COPG2: variants seen among roughly 807,000 people sequenced by gnomAD.
The protein encoded by COPG2 is coatomer subunit gamma-2.
COPG2 carries 37 observed loss-of-function variants against 46.3 expected under a neutral mutation model. The observed-to-expected ratio is 0.80, with a 90% CI of 0.61 to 1.05. COPG2 has a LOEUF of 1.05. COPG2 is among the 50% of genes least tolerant of loss of function. COPG2 has a pLI of 0.00. For synonymous variants in COPG2, 159 were observed against 129.7 expected (o/e 1.23, Z -1.53); for missense variants, 427 against 387.8 (o/e 1.10, Z -0.85).
intron 9 of COPG2, among the ~76,000 whole-genome samples, chr7:130,590,501 G>A (rs1210873228): frequency 3.9e-5 from 6 of 152,264 alleles, no homozygotes; most frequent in African/African-American, 9.6e-5. Context: ...CGAGTGATCC[G>A]CCAGCCTCGG....
chr7:130,530,563 T>C (rs1046051583), intron 20 of COPG2, among the ~76,000 whole-genome samples: 45 of 152,154 alleles, frequency 3.0e-4, no homozygotes, highest in African/African-American at 9.2e-4. Context: ...AGTGAGCACA[T>C]CCCTATGGAG....
Position 130,611,127 on chromosome 7 carries a change from A to G in COPG2, c.580-17T>C, listed in dbSNP as rs1554452031. ...TGCATGGTACTAAAGAACATGAAAA[A>G]GAAGGTAGCACATGGATTAGAAAGA... On this transcript the variant is annotated splice_polypyrimidine_tract_variant and intron_variant, in intron 8 of 23. Coordinates refer to ENST00000425248, the MANE Select transcript of COPG2 (RefSeq NM_012133.6). 1 of 1,603,660 alleles carries G rather than the reference A, an allele frequency of 6.2e-7. No individual in the cohort carries two copies. The highest frequency in any genetic ancestry group is 1.3e-5 in the African/African-American group (1 of 74,774).
intron 15 of COPG2, among the ~76,000 whole-genome samples, chr7:130,551,764 C>T (rs1245949549): frequency 1.3e-5 from 2 of 152,306 alleles, no homozygotes; most frequent in Middle Eastern, 3.4e-3. Context: ...ATTTGTTTTA[C>T]GTAAACTAGC....
chr7:130,655,936 C>CT (rs1280578053), intron 4 of COPG2, among the ~76,000 whole-genome samples: 2 of 152,000 alleles, frequency 1.3e-5, no homozygotes, highest in East Asian at 1.9e-4. Flanking sequence ...TCTAGTTATT[C>CT]TTTTTTTATT....
intron 20 of COPG2, among the ~76,000 whole-genome samples, chr7:130,532,411 G>A (rs1341181871): frequency 2.6e-5 from 4 of 152,120 alleles, no homozygotes; most frequent in Non-Finnish European, 4.4e-5. Context: ...TGGAGACAGC[G>A]TGGAAGGAGA....
At chr7:130,557,216 A>G (rs911202659) in intron 12 of COPG2, among the ~76,000 whole-genome samples, 3 of 152,210 alleles carry the variant, frequency 2.0e-5, no homozygotes, top group Admixed American at 6.5e-5. Context: ...AATGATAACC[A>G]GGTAGAAGAT....
intron 9 of COPG2, chr7:130,605,848 T>G (rs1554451159): frequency 4.0e-6 from 2 of 498,168 alleles, no homozygotes; most frequent in African/African-American, 2.0e-5. Context: ...AAATGGATCT[T>G]GTTGTAAGCC....
chr7:130,660,531 A>G (rs781862958), intron 4 of COPG2, among the ~76,000 whole-genome samples: 12 of 152,002 alleles, frequency 7.9e-5, no homozygotes, highest in Non-Finnish European at 1.2e-4. Context: ...CCTTTATACT[A>G]TGTCACCTGC....
chr7:130,550,871 C>A (rs913997511), intron 16 of COPG2, among the ~76,000 whole-genome samples: 12,250 of 152,204 alleles, frequency 0.08, 826 homozygotes, highest in African/African-American at 0.18. Context: ...ATAGCATACA[C>A]ATTTTCAACA....
chr7:130,610,504 T>C (rs1554451870), intron 9 of COPG2: 1 of 519,054 alleles, frequency 1.9e-6, no homozygotes, highest in South Asian at 1.4e-5. Context: ...AGATTTCTCA[T>C]TCCTGCCCTT....
At chr7:130,539,038 T>C (rs1339206835) in intron 20 of COPG2, among the ~76,000 whole-genome samples, 2 of 152,094 alleles carry the variant, frequency 1.3e-5, no homozygotes, top group Admixed American at 1.3e-4. Context: ...TTGGAAACTT[T>C]TTCCAGAGGG....
chr7:130,512,391 T>C (rs1554441144), intron 20 of COPG2, among the ~76,000 whole-genome samples: 1 of 151,790 alleles, frequency 6.6e-6, no homozygotes, highest in Admixed American at 6.6e-5. Flanking sequence ...TAAGAGAGTG[T>C]GAACATGTAG....
intron 2 of COPG2, 79 bp downstream of exon 2, chr7:130,667,403 A>G (rs1796108392): frequency 8.7e-7 from 1 of 1,146,218 alleles, no homozygotes; most frequent in South Asian, 1.4e-5. Context: ...TGTCGTGATC[A>G]CAGCAGCCCA....
chr7:130,553,115 C>G (rs1388092716), intron 14 of COPG2, among the ~76,000 whole-genome samples: 1 of 152,048 alleles, frequency 6.6e-6, no homozygotes, highest in Non-Finnish European at 1.5e-5. Flanking sequence ...GTATTAGAGG[C>G]AGAGAAAATA....
At chr7:130,527,656 G>C (rs1799786438) in intron 20 of COPG2, among the ~76,000 whole-genome samples, 1 of 152,188 alleles carries the variant, frequency 6.6e-6, no homozygotes, top group Non-Finnish European at 1.5e-5. Context: ...TTGGGGTCCT[G>C]CATCCTCGGG....
At chr7:130,535,018 G>A (rs1799864571) in intron 20 of COPG2, among the ~76,000 whole-genome samples, 1 of 152,176 alleles carries the variant, frequency 6.6e-6, no homozygotes, top group Non-Finnish European at 1.5e-5. Flanking sequence ...CTGAATCAGT[G>A]GAAGATCCGG....
Position 130,506,318 on chromosome 7 carries a change from T to TC in COPG2, c.*357dup, listed in dbSNP as rs782816719. ...GTGGACTCTGGCTTCCCCTCCCCCCTCCCCCCCACCCCTCTGGGATAAAAA... is the reference window on the plus strand; with the variant it reads ...GTGGACTCTGGCTTCCCCTCCCCCCTCCCCCCCCACCCCTCTGGGATAAAAA... On this transcript the variant is annotated 3_prime_UTR_variant, in exon 24 of 24. Transcript: ENST00000425248. 2 of 26,344 alleles carry TC rather than the reference T, an allele frequency of 7.6e-5. No individual in the cohort carries two copies. The highest frequency in any genetic ancestry group is 2.2e-4 in the African/African-American group (1 of 4,642). The allele number at this position is 26,344 out of a possible 1,614,324, so 1.6% of individuals were successfully genotyped here. A position where few individuals can be genotyped will look rare whatever the true frequency, so the allele number is the denominator to read the frequency against.
At chr7:130,545,220 C>T (rs1385545271) in intron 20 of COPG2, among the ~76,000 whole-genome samples, 3 of 148,188 alleles carry the variant, frequency 2.0e-5, no homozygotes, top group Non-Finnish European at 4.5e-5. Context: ...TATAACAGTC[C>T]TAAGAGATCA....
chr7:130,659,260 C>T (rs1439716601), intron 4 of COPG2, among the ~76,000 whole-genome samples: 5 of 145,736 alleles, frequency 3.4e-5, no homozygotes, highest in Non-Finnish European at 4.5e-5. Flanking sequence ...GAGGCTGAGG[C>T]AGGAGAATGG....
Sources: allele counts gnomAD v4.1 joint callset (sites outside exome capture counted in the v4.1 genomes callset), GRCh38; gene constraint gnomAD v4.1.1; transcripts MANE v1.5; gene names NCBI Gene and HGNC (gene_info 2026-07-23, HGNC 2026-07-21).